The following INTU variants were observed in gnomAD, a reference collection of about 807,000 sequenced individuals.
The protein encoded by INTU is protein inturned.
Under a neutral mutation model 100.5 loss-of-function variants are expected in INTU, and 68 were observed. The ratio of observed to expected loss-of-function variants is 0.68; its 90% CI spans 0.56 to 0.83. INTU has a LOEUF of 0.83. Ranked by LOEUF, INTU falls within the 40% of genes least tolerant of loss-of-function variation. The pLI, the probability that INTU is intolerant of heterozygous loss-of-function variation, is 0.00. For synonymous variants in INTU, 357 were observed against 395.7 expected (o/e 0.90, Z 1.16); for missense variants, 1,071 against 1,114.7 (o/e 0.96, Z 0.56).
At chr4:127,667,102 A>G (rs1429876922) in intron 4 of INTU, among the ~76,000 whole-genome samples, 1 of 152,194 alleles carries the variant, frequency 6.6e-6, no homozygotes, top group Non-Finnish European at 1.5e-5. Flanking sequence ...TATAAAACAT[A>G]AAACAAATTT....
intron 9 of INTU, among the ~76,000 whole-genome samples, chr4:127,700,643 G>A (rs1730607199): frequency 6.6e-6 from 1 of 152,044 alleles, no homozygotes; most frequent in Admixed American, 6.6e-5. Context: ...AAAATTAATA[G>A]GGTTATAGTA....
intron 1 of INTU, among the ~76,000 whole-genome samples, chr4:127,642,897 T>C (rs1727394763): frequency 6.6e-6 from 1 of 152,120 alleles, no homozygotes; most frequent in Non-Finnish European, 1.5e-5. Flanking sequence ...TTATGGAAAT[T>C]ATAGACAGTA....
In INTU at chr4:127,717,327, T is replaced by C. The variant is rs932801011; in HGVS notation, c.*891T>C. 1.3e-5 allele frequency: 2 copies of C among 152,242 alleles called. No homozygotes were observed. Among genetic ancestry groups the C allele is most frequent in the South Asian group, 4.1e-4 (2 of 4,836 alleles). The allele number at this position is 152,242 out of a possible 1,614,324, so 9.4% of individuals were successfully genotyped here. ...TGCAGAGGACATGATCTCATACCTT[T>C]TTGTGGCTGCATAGTATTCCATGGT... On this transcript the variant is annotated 3_prime_UTR_variant, in exon 16 of 16. Transcript: ENST00000335251.
intron 1 of INTU, among the ~76,000 whole-genome samples, chr4:127,633,733 T>C (rs572467607): frequency 1.3e-5 from 2 of 152,342 alleles, no homozygotes; most frequent in Admixed American, 1.3e-4. Context: ...TATTTTCCTA[T>C]GCATCTCCAT....
intron 14 of INTU, among the ~76,000 whole-genome samples, chr4:127,712,483 G>A (rs1391484611): frequency 6.6e-6 from 1 of 152,076 alleles, no homozygotes; most frequent in Non-Finnish European, 1.5e-5. Flanking sequence ...TACCTACTCT[G>A]CACCAGACAC....
chr4:127,683,206 A>G (rs1251721710), intron 6 of INTU, among the ~76,000 whole-genome samples: 1 of 152,194 alleles, frequency 6.6e-6, no homozygotes, highest in African/African-American at 2.4e-5. Flanking sequence ...TTCCTCTCCT[A>G]AAGAACTTGG....
intron 3 of INTU, among the ~76,000 whole-genome samples, chr4:127,660,376 G>A (rs1221433225): frequency 6.6e-6 from 1 of 152,168 alleles, no homozygotes; most frequent in Non-Finnish European, 1.5e-5. Context: ...TGACTAAGGA[G>A]TATTGAAATC....
intron 9 of INTU, among the ~76,000 whole-genome samples, chr4:127,701,814 C>G (rs1170612541): frequency 6.6e-6 from 1 of 151,984 alleles, no homozygotes; most frequent in African/African-American, 2.4e-5. Flanking sequence ...AGGTAAAAGC[C>G]ATGAGGTGTG....
chr4:127,714,091 AG>A lies in INTU; in HGVS notation c.2717+1del. ...CACCAGTTATGGCTTACTGGGTAGTAGGGTAAGTGAGAAAAAAAAGTATTTG... is the reference window on the plus strand; with the variant it reads ...CACCAGTTATGGCTTACTGGGTAGTAGGTAAGTGAGAAAAAAAAGTATTTG... Reference protein sequence around the residue: ...APPVMAYWVVGRLFLHPKPQE... With the variant: ...APPVMAYWVVXRLFLHPKPQE... On this transcript the variant is annotated frameshift_variant and splice_region_variant, in exon 15 of 16. Transcript: ENST00000335251. LOFTEE classifies it high-confidence loss of function. The A allele has an allele frequency of 6.2e-7, 1 of 1,602,570 alleles. No individual in the cohort carries two copies. Among genetic ancestry groups the A allele is most frequent in the Non-Finnish European group, 8.5e-7 (1 of 1,176,962 alleles).
chr4:127,663,853 T>C (rs1728583732), intron 4 of INTU, among the ~76,000 whole-genome samples: 1 of 152,156 alleles, frequency 6.6e-6, no homozygotes, highest in Non-Finnish European at 1.5e-5. Flanking sequence ...CGTTGCAATA[T>C]CTTTTAACTT....
Position 127,669,474 on chromosome 4 carries a change from A to G in INTU, c.1091+320A>G, listed in dbSNP as rs113998881. Among the ~76,000 whole-genome samples, 1,058 of 151,830 alleles carry G rather than the reference A, an allele frequency of 7.0e-3. 14 individuals carry two copies. The highest frequency in any genetic ancestry group is 0.013 in the Non-Finnish European group (886 of 67,740). On this transcript the variant is annotated intron_variant, in intron 5 of 15. Transcript: ENST00000335251. Reference sequence around the variant, plus strand: ...AAAAACACTCGGGCCTATATTTATTATTTCTTCATGAAGATGTATCTTTTA... The same window carrying G: ...AAAAACACTCGGGCCTATATTTATTGTTTCTTCATGAAGATGTATCTTTTA...
At chr4:127,668,133 T>G (rs1278513000) in intron 4 of INTU, among the ~76,000 whole-genome samples, 1 of 152,062 alleles carries the variant, frequency 6.6e-6, no homozygotes, top group Non-Finnish European at 1.5e-5. Flanking sequence ...ATTTTCATTT[T>G]GCCTGCTTTT....
At chr4:127,635,847 T>G (rs1032969730) in intron 1 of INTU, among the ~76,000 whole-genome samples, 1 of 152,246 alleles carries the variant, frequency 6.6e-6, no homozygotes, top group African/African-American at 2.4e-5. Context: ...TTTGTCACTC[T>G]ATAGGAGTTT....
Position 127,704,432 on chromosome 4 carries a change from G to C in INTU, c.1566+142G>C, listed in dbSNP as rs889376135. 4 of 664,768 alleles carry C rather than the reference G, an allele frequency of 6.0e-6. No individual in the cohort carries two copies. In the Admixed American group the frequency reaches 1.1e-4, roughly 19 times the overall value. The allele number at this position is 664,768 out of a possible 1,614,324, so 41.2% of individuals were successfully genotyped here. A position where few individuals can be genotyped will look rare whatever the true frequency, so the allele number is the denominator to read the frequency against. On this transcript the variant is annotated intron_variant, in intron 10 of 15. Coordinates refer to ENST00000335251, the MANE Select transcript of INTU (RefSeq NM_015693.4). The stretch of plus-strand genomic sequence containing the variant: ...TAAGATTAAGAGCTTTCTCATTTTA[G>C]AGACAGGGTCTTGCTCTGCCACCTA...
chr4:127,702,273 A>C (rs1730681774), intron 9 of INTU, among the ~76,000 whole-genome samples: 1 of 152,164 alleles, frequency 6.6e-6, no homozygotes. Context: ...ACTACTTTGG[A>C]AGACAGTTTG....
Position 127,656,024 on chromosome 4 carries a change from G to T in INTU, c.683-612G>T, listed in dbSNP as rs2126192622. On this transcript the variant is annotated intron_variant, in intron 2 of 15. Coordinates refer to ENST00000335251, the MANE Select transcript of INTU (RefSeq NM_015693.4). ...TCACCCCTTTCTTTGACTCGGAAAG[G>T]GAACTCCCTGACCCCTTGCGCTTCC... 2.6e-5 allele frequency among the ~76,000 whole-genome samples: 4 copies of T among 152,340 alleles called. No individual in the cohort carries two copies. The South Asian group carries it at 8.3e-4, about 32-fold the overall frequency.
intron 9 of INTU, among the ~76,000 whole-genome samples, chr4:127,702,490 T>C (rs1414410819): frequency 2.0e-5 from 3 of 152,142 alleles, no homozygotes. Context: ...TTCTGGTATA[T>C]CCAGGAATGG....
At chr4:127,682,432 G>T (rs1398237526) in intron 6 of INTU, among the ~76,000 whole-genome samples, 9 of 151,844 alleles carry the variant, frequency 5.9e-5, no homozygotes, top group Admixed American at 2.0e-4. Flanking sequence ...CCATAAAAAA[G>T]GATGAGTTCA....
At chr4:127,686,795 A>T (rs914751215) in intron 7 of INTU, 1 of 152,148 alleles carries the variant, frequency 6.6e-6, no homozygotes, top group Non-Finnish European at 1.5e-5. Flanking sequence ...TTTTGTCTTG[A>T]TATTTTTACT....
Sources: allele counts gnomAD v4.1 joint callset (sites outside exome capture counted in the v4.1 genomes callset), GRCh38; gene constraint gnomAD v4.1.1; transcripts MANE v1.5; gene names NCBI Gene and HGNC (gene_info 2026-07-23, HGNC 2026-07-21).